The following SLC5A2 variants were observed in gnomAD, a reference collection of about 807,000 sequenced individuals.
SLC5A2 encodes solute carrier family 5 member 2.
Under a neutral mutation model 69.0 loss-of-function variants are expected in SLC5A2, and 67 were observed. The ratio of observed to expected loss-of-function variants is 0.97; its 90% CI spans 0.80 to 1.19. The LOEUF (loss-of-function observed/expected upper bound fraction) is 1.19, where lower values mean the gene tolerates loss of function less well. Ranked by LOEUF, SLC5A2 falls within the 50% of genes most tolerant of loss-of-function variation. The pLI, the probability that SLC5A2 is intolerant of heterozygous loss-of-function variation, is 0.00. For synonymous variants in SLC5A2, 455 were observed against 395.8 expected, an observed-to-expected ratio of 1.15 and a Z score of -1.78; for missense variants, 1,001 against 921.5, an observed-to-expected ratio of 1.09 and a Z score of -1.12.
intron 12 of SLC5A2, 113 bp downstream of exon 12, chr16:31,489,451 C>A: frequency 1.1e-6 from 1 of 942,888 alleles, no homozygotes; most frequent in Non-Finnish European, 1.6e-6. Flanking sequence ...TGGGAATGGG[C>A]TGGGGGTCCA....
chr16:31,489,706 T>C, intron 12 of SLC5A2: 1 of 454,286 alleles, frequency 2.2e-6, no homozygotes, highest in South Asian at 2.1e-5. Flanking sequence ...GGTGGCAGGG[T>C]GGGGTGAGGA....
rs758318545 is a variant in SLC5A2, at chr16:31,487,405, G to A, written c.655+5G>A. 7.4e-6 allele frequency: 12 copies of A among 1,613,552 alleles called. No homozygotes were observed. In the African/African-American group the frequency reaches 9.3e-5, roughly 13 times the overall value. On this transcript the variant is annotated splice_donor_5th_base_variant and intron_variant, in intron 6 of 13. Coordinates refer to ENST00000330498, the MANE Select transcript of SLC5A2 (RefSeq NM_003041.4). Reference sequence around the variant, plus strand: ...CCTGCATCCTCATGGGTTACGGTAGGGGCTCGCCTACCAGGGAGGGGCGCG... The same window carrying A: ...CCTGCATCCTCATGGGTTACGGTAGAGGCTCGCCTACCAGGGAGGGGCGCG...
At chr16:31,485,681 C>G (rs1327633599) in intron 3 of SLC5A2, 48 bp from the exon 4 acceptor site, 1 of 1,605,536 alleles carries the variant, frequency 6.2e-7, no homozygotes, top group Admixed American at 1.7e-5. Flanking sequence ...GTCAGATCCT[C>G]AGGGATGAGG....
chr16:31,488,302 C>G lies in SLC5A2; in HGVS notation c.1022-81C>G, dbSNP rs1343001913. On this transcript the variant is annotated intron_variant, in intron 8 of 13. Coordinates refer to ENST00000330498, the MANE Select transcript of SLC5A2 (RefSeq NM_003041.4). ...TCCCTCCGGGGGTCGCACGCCTCCTCTGCTAGGATTCCCAGTCCCCACCTC... is the reference window on the plus strand; with the variant it reads ...TCCCTCCGGGGGTCGCACGCCTCCTGTGCTAGGATTCCCAGTCCCCACCTC... 1.9e-6 allele frequency: 3 copies of G among 1,599,190 alleles called. No individual in the cohort carries two copies. The African/African-American group carries it at 4.0e-5, about 21-fold the overall frequency.
At chr16:31,485,212 G>A (rs573749711) in intron 3 of SLC5A2, 7 of 554,962 alleles carry the variant, frequency 1.3e-5, no homozygotes, top group South Asian at 1.2e-4. Flanking sequence ...CAGCCTCAAA[G>A]CCAGGGAAGC....
In SLC5A2 at chr16:31,490,212, A is replaced by G; in HGVS notation, c.1774A>G (p.Ser592Gly). The change falls in exon 13 of 14, where the codon AGT (serine) becomes GGT (glycine). Residue 592 changes from serine (S) to glycine (G), a missense_variant. Physicochemically the swap from Ser to Gly is moderately conservative, Grantham distance 56 (BLOSUM62 0). Coordinates refer to ENST00000330498, the MANE Select transcript of SLC5A2 (RefSeq NM_003041.4). The stretch of plus-strand genomic sequence containing the variant: ...CCCTGTACAGAATGGGTGCCCAGAG[A>G]GTGCCATGGAGATGAATGGTAGGGC... ...SLPVQNGCPE[S>G]AMEMNEPQAP... 1 of 1,614,182 alleles carries G rather than the reference A, an allele frequency of 6.2e-7. No individual in the cohort carries two copies. Among genetic ancestry groups the G allele is most frequent in the South Asian group, 1.1e-5 (1 of 91,080 alleles).
chr16:31,487,858 A>G (rs2082511494), intron 7 of SLC5A2, 99 bp downstream of exon 7: 1 of 1,412,856 alleles, frequency 7.1e-7, no homozygotes, highest in African/African-American at 1.4e-5. Context: ...TCTAAGGCGC[A>G]GTCTGAGGGG....
At position 31,488,426 on chromosome 16, in the gene SLC5A2, C is replaced by G. The variant is rs572402377; in HGVS notation, c.1065C>G (p.Cys355Trp). 6.2e-7 allele frequency: 1 copy of G among 1,611,540 alleles called. No individual in the cohort carries two copies. Among genetic ancestry groups the G allele is most frequent in the Admixed American group, 1.7e-5 (1 of 59,894 alleles). Residue 355 changes from cysteine (C) to tryptophan (W), a missense_variant, in exon 9 of 14, where the codon TGC becomes TGG. Physicochemically the swap from Cys to Trp is radical, Grantham distance 215 (BLOSUM62 -2). Coordinates refer to ENST00000330498, the MANE Select transcript of SLC5A2 (RefSeq NM_003041.4). ...TGCCTGAGGTGTGCAGGCGCGTGTGCGGCACGGAGGTGGGCTGCTCCAACA... is the reference window on the plus strand; with the variant it reads ...TGCCTGAGGTGTGCAGGCGCGTGTGGGGCACGGAGGTGGGCTGCTCCAACA... Reference protein sequence around the residue: ...CVVPEVCRRVCGTEVGCSNIA... With the variant: ...CVVPEVCRRVWGTEVGCSNIA...
At chr16:31,487,943 A>G in intron 7 of SLC5A2, 95 bp from the exon 8 acceptor site, 1 of 1,561,204 alleles carries the variant, frequency 6.4e-7, no homozygotes, top group Non-Finnish European at 8.7e-7. Context: ...AACTTGGGGC[A>G]CTCACGAGCC....
chr16:31,489,528 G>A (rs2082540517), intron 12 of SLC5A2, 190 bp downstream of exon 12: 4 of 637,124 alleles, frequency 6.3e-6, no homozygotes, highest in Admixed American at 2.5e-5. Context: ...GCCTGGGGGA[G>A]GCTTGATGTT....
chr16:31,488,296 C>T (rs556731718), intron 8 of SLC5A2, 87 bp from the exon 9 acceptor site: 480 of 1,597,610 alleles, frequency 3.0e-4, no homozygotes, highest in Admixed American at 1.3e-3. Context: ...GGGTCGCACG[C>T]CTCCTCTGCT....
chr16:31,489,475 T>C (rs529788791), intron 12 of SLC5A2, 137 bp downstream of exon 12: 28 of 756,848 alleles, frequency 3.7e-5, no homozygotes, highest in Non-Finnish European at 5.4e-5. Context: ...GCAGTTGCAA[T>C]TGCCGAGCAA....
Position 31,488,502 on chromosome 16 carries a change from C to A in SLC5A2, c.1129+12C>A. 1 of 1,604,830 alleles carries A rather than the reference C, an allele frequency of 6.2e-7. No individual in the cohort carries two copies. The highest frequency in any genetic ancestry group is 8.5e-7 in the Non-Finnish European group (1 of 1,176,996). On this transcript the variant is annotated intron_variant, in intron 9 of 13. Transcript: ENST00000330498. Reference sequence around the variant, plus strand: ...GCTCATGCCCAACGGTAAGGGCAGCCCCGGGCCACAGGCGCAAGCTCGCTG... The same window carrying A: ...GCTCATGCCCAACGGTAAGGGCAGCACCGGGCCACAGGCGCAAGCTCGCTG...
At position 31,490,556 on chromosome 16, in the gene SLC5A2, A is replaced by G. The variant is rs753259266; in HGVS notation, c.*21A>G. 1.3e-5 allele frequency: 21 copies of G among 1,576,200 alleles called. No homozygotes were observed. The Admixed American group carries it at 1.4e-4, about 11-fold the overall frequency. On this transcript the variant is annotated 3_prime_UTR_variant, in exon 14 of 14. Transcript: ENST00000330498. ...CCTAAGACCAACTGCGTTGGACACC[A>G]TAAGCCACAGCCTCACAGGAAGTGG...
intron 5 of SLC5A2, among the ~76,000 whole-genome samples, chr16:31,486,531 G>A (rs2082497096): frequency 6.6e-6 from 1 of 152,176 alleles, no homozygotes; most frequent in Admixed American, 6.5e-5. Context: ...AGATTTAGCA[G>A]CTCTTGCCTG....
rs149863231 is a variant in SLC5A2, at chr16:31,486,981, A to G, written c.575-339A>G. On this transcript the variant is annotated intron_variant, in intron 5 of 13. Transcript: ENST00000330498. ...GAATTGCTTGAACCGGGCAGGCGGAAGTTGCAGTGAGCTGAGATCCACCAT... is the reference window on the plus strand; with the variant it reads ...GAATTGCTTGAACCGGGCAGGCGGAGGTTGCAGTGAGCTGAGATCCACCAT... 6.3e-3 allele frequency among the ~76,000 whole-genome samples: 962 copies of G among 152,212 alleles called. 16 individuals are homozygous for G. Among genetic ancestry groups the G allele is most frequent in the African/African-American group, 0.022 (921 of 41,532 alleles).
rs878860570 is a variant in SLC5A2, at chr16:31,488,714, G to T, written c.1222G>T (p.Asp408Tyr). The change falls in exon 10 of 14, where the codon GAC (aspartate) becomes TAC (tyrosine). Residue 408 changes from aspartate to tyrosine, a missense_variant. Transcript: ENST00000330498. ...FNSSSTLFTM[D>Y]IYTRLRPRAG... ...CAGCAGCAGCACGCTCTTCACCATG[G>T]ACATCTACACGCGCCTGCGGCCACG... is the stretch of plus-strand genomic sequence containing the variant. 3.1e-6 allele frequency: 5 copies of T among 1,612,606 alleles called. No homozygotes were observed. In the South Asian group the frequency reaches 4.4e-5, roughly 14 times the overall value.
Position 31,490,605 on chromosome 16 carries a change from C to CCTTTTCTGGGGAGCACCGCAGGCTCCT in SLC5A2, c.*71_*72insTTTTCTGGGGAGCACCGCAGGCTCCTC. ...GGGGGTGAGGAGCCTGCGGTGCTCC[C>CCTTTTCTGGGGAGCACCGCAGGCTCCT]CAGAAAAGGGGAAGGGGCAGTGGGG... On this transcript the variant is annotated 3_prime_UTR_variant, in exon 14 of 14. Transcript: ENST00000330498. 7.4e-7 allele frequency: 1 copy of CCTTTTCTGGGGAGCACCGCAGGCTCCT among 1,353,322 alleles called. No homozygotes were observed. The highest frequency in any genetic ancestry group is 1.0e-6 in the Non-Finnish European group (1 of 963,096). 83.8% of individuals were successfully genotyped at this position (1,353,322 alleles called of 1,614,324 possible). A position where few individuals can be genotyped will look rare whatever the true frequency, so the allele number is the denominator to read the frequency against.
chr16:31,485,995 G>A (rs997789528), intron 4 of SLC5A2, 102 bp downstream of exon 4: 12 of 1,367,202 alleles, frequency 8.8e-6, no homozygotes, highest in Middle Eastern at 1.8e-4. Flanking sequence ...AAACCACTGC[G>A]AGGGTTATGA....
Sources: allele counts gnomAD v4.1 joint callset (sites outside exome capture counted in the v4.1 genomes callset), GRCh38; gene constraint gnomAD v4.1.1; transcripts MANE v1.5; gene names NCBI Gene and HGNC (gene_info 2026-07-23, HGNC 2026-07-21).